ZNF804A: variants seen among roughly 807,000 people sequenced by gnomAD.
ZNF804A encodes zinc finger protein 804A.
In ZNF804A, 2 loss-of-function variants were observed where a neutral mutation model predicts 16.5. The observed-to-expected ratio is 0.12, with a 90% confidence interval of 0.05 to 0.38. The LOEUF (loss-of-function observed/expected upper bound fraction) is 0.38. ZNF804A is among the 10% of genes least tolerant of loss of function. ZNF804A has a pLI of 0.99. For missense variants in ZNF804A, 1,473 were observed against 1,390.7 expected (o/e 1.06, Z -0.94); for synonymous variants, 534 against 489.6 (o/e 1.09, Z -1.20).
chr2:184,687,810 CA>C (rs1692662146), intron 1 of ZNF804A, among the ~76,000 whole-genome samples: 1 of 152,152 alleles, frequency 6.6e-6, no homozygotes, highest in Non-Finnish European at 1.5e-5. Flanking sequence ...AAAATTTAGA[CA>C]GGCCAAATGT....
intron 2 of ZNF804A, among the ~76,000 whole-genome samples, chr2:184,881,341 G>A (rs1304115530): frequency 2.0e-5 from 3 of 152,062 alleles, no homozygotes; most frequent in Non-Finnish European, 4.4e-5. Flanking sequence ...CTTGGAAAAC[G>A]TACTTCAGAA....
intron 1 of ZNF804A, among the ~76,000 whole-genome samples, chr2:184,760,112 C>T (rs566919727): frequency 1.3e-5 from 2 of 152,024 alleles, no homozygotes; most frequent in African/African-American, 4.8e-5. Flanking sequence ...CAGGAACAGG[C>T]CATTTTCACT....
At position 184,933,657 on chromosome 2, in the gene ZNF804A, A is replaced by G. The variant is rs762908384; in HGVS notation, c.310A>G (p.Arg104Gly). The change falls in exon 3 of 4, where the codon AGG becomes GGG. Residue 104 changes from arginine to glycine, a missense_variant. Transcript: ENST00000302277. ...EFARNVASKS[R>G]KDERKQEKAL... ...TGCTCGAAATGTAGCATCTAAATCC[A>G]GGAAAGATGAAAGAAAACAGGAAAA... The G allele has an allele frequency of 1.9e-6, 3 of 1,610,606 alleles. No individual in the cohort carries two copies. The South Asian group carries it at 3.3e-5, about 18-fold the overall frequency.
rs575817076 is a variant in ZNF804A at position 184,899,447 on chromosome 2, G to A, written c.255+32935G>A. Among the ~76,000 whole-genome samples the A allele has an allele frequency of 8.6e-5, 13 of 152,036 alleles. No individual in the cohort carries two copies. The South Asian group carries it at 1.7e-3, about 19-fold the overall frequency. ...ATTTGTGAATGAATTAGTCACACTCGTTTTTCAAAAGTGTGGTCTTTTTCA... is the reference window on the plus strand; with the variant it reads ...ATTTGTGAATGAATTAGTCACACTCATTTTTCAAAAGTGTGGTCTTTTTCA... On this transcript the variant is annotated intron_variant, in intron 2 of 3. Transcript: ENST00000302277.
At chr2:184,868,084 G>C (rs1695902835) in intron 2 of ZNF804A, among the ~76,000 whole-genome samples, 1 of 151,998 alleles carries the variant, frequency 6.6e-6, no homozygotes, top group Non-Finnish European at 1.5e-5. Context: ...AGAAGTTAAA[G>C]GGAATTTGGG....
chr2:184,692,976 A>G (rs1692757849), intron 1 of ZNF804A, among the ~76,000 whole-genome samples: 1 of 152,202 alleles, frequency 6.6e-6, no homozygotes, highest in South Asian at 2.1e-4. Flanking sequence ...TTTGACAGCC[A>G]TATAATATTA....
intron 1 of ZNF804A, among the ~76,000 whole-genome samples, chr2:184,813,186 T>C (rs915985120): frequency 2.6e-5 from 4 of 152,126 alleles, no homozygotes; most frequent in Non-Finnish European, 5.9e-5. Context: ...CAAAGTGGTT[T>C]AAAATTGTGT....
In ZNF804A at chr2:184,763,625, AAGTGC is replaced by A. The variant is rs1222529489; in HGVS notation, c.112-102743_112-102739del. Among the ~76,000 whole-genome samples, 5 of 117,604 alleles carry A rather than the reference AAGTGC, an allele frequency of 4.3e-5. No individual in the cohort carries two copies. The South Asian group carries it at 1.4e-3, about 32-fold the overall frequency. The allele number at this position is 117,604 out of a possible 152,430, so 77.2% of individuals were successfully genotyped here. A position where few individuals can be genotyped will look rare whatever the true frequency, so the allele number is the denominator to read the frequency against. On this transcript the variant is annotated intron_variant, in intron 1 of 3. Transcript: ENST00000302277. Reference sequence around the variant, plus strand: ...TCTATTGCTTTACTTTTTTTCTTCAAAGTGCTTTTTTTTTTTTTTTTTTTTTTTTT... The same window carrying A: ...TCTATTGCTTTACTTTTTTTCTTCAATTTTTTTTTTTTTTTTTTTTTTTTT...
In ZNF804A at chr2:184,938,676, T is replaced by G; in HGVS notation, c.3280T>G (p.Ser1094Ala). Residue 1094 changes from serine (S) to alanine (A), a missense_variant, in exon 4 of 4, where the codon TCT (serine) becomes GCT (alanine). Physicochemically the swap from Ser to Ala is moderately conservative, Grantham distance 99. Transcript: ENST00000302277. The part of the protein sequence containing the change: ...LPLQQSLCST[S>A]VTTIHHTVLQ... ...TTTGCAGCAGTCCTTATGTTCTACC[T>G]CTGTAACCACTATCCATCACACTGT... The G allele has an allele frequency of 6.2e-7, 1 of 1,613,838 alleles. No individual in the cohort carries two copies. Among genetic ancestry groups the G allele is most frequent in the Non-Finnish European group, 8.5e-7 (1 of 1,179,900 alleles).
chr2:184,836,228 A>G (rs1695343561), intron 1 of ZNF804A, among the ~76,000 whole-genome samples: 1 of 152,120 alleles, frequency 6.6e-6, no homozygotes. Context: ...GAGAAAAAGG[A>G]TAGATAATGA....
intron 1 of ZNF804A, among the ~76,000 whole-genome samples, chr2:184,754,067 A>G (rs561241798): frequency 6.6e-6 from 1 of 151,786 alleles, no homozygotes; most frequent in Non-Finnish European, 1.5e-5. Flanking sequence ...AAAATTAAAT[A>G]TAGCATCCTA....
chr2:184,789,802 A>G (rs1488182097), intron 1 of ZNF804A, among the ~76,000 whole-genome samples: 1 of 151,644 alleles, frequency 6.6e-6, no homozygotes, highest in Non-Finnish European at 1.5e-5. Flanking sequence ...GATTCTTTGT[A>G]TCTTTATTTA....
At chr2:184,686,083 C>T (rs1215586442) in intron 1 of ZNF804A, among the ~76,000 whole-genome samples, 1 of 152,220 alleles carries the variant, frequency 6.6e-6, no homozygotes, top group East Asian at 1.9e-4. Context: ...CTTTGCTCCA[C>T]ACTGGAGTGG....
At chr2:184,822,228 T>C (rs1695097286) in intron 1 of ZNF804A, among the ~76,000 whole-genome samples, 1 of 152,060 alleles carries the variant, frequency 6.6e-6, no homozygotes. Flanking sequence ...ACTATGCGGC[T>C]AGAAAAAGGA....
chr2:184,782,677 A>G (rs1040095028), intron 1 of ZNF804A, among the ~76,000 whole-genome samples: 2 of 148,682 alleles, frequency 1.3e-5, no homozygotes, highest in African/African-American at 4.9e-5. Flanking sequence ...TTAATAGGAT[A>G]TGTATATCCT....
chr2:184,873,034 C>T (rs568566010), intron 2 of ZNF804A, among the ~76,000 whole-genome samples: 1 of 152,118 alleles, frequency 6.6e-6, no homozygotes, highest in East Asian at 1.9e-4. Flanking sequence ...ATTGATTATC[C>T]TTATTTTTAA....
At chr2:184,608,009 G>C (rs966202928) in intron 1 of ZNF804A, among the ~76,000 whole-genome samples, 1 of 143,262 alleles carries the variant, frequency 7.0e-6, no homozygotes, top group East Asian at 2.1e-4. Context: ...GCAGTGGCGG[G>C]ATCTCGGCTC....
At chr2:184,800,154 A>G (rs1694701778) in intron 1 of ZNF804A, among the ~76,000 whole-genome samples, 1 of 151,918 alleles carries the variant, frequency 6.6e-6, no homozygotes, top group Non-Finnish European at 1.5e-5. Context: ...CATATATGTA[A>G]CTTGTGTCTT....
At chr2:184,729,826 A>G (rs1427262834) in intron 1 of ZNF804A, among the ~76,000 whole-genome samples, 1 of 152,112 alleles carries the variant, frequency 6.6e-6, no homozygotes, top group Non-Finnish European at 1.5e-5. Flanking sequence ...GGAAATCCAT[A>G]TGGCACACTG....
Sources: gnomAD v4.1 joint callset for allele counts (sites outside exome capture counted in the v4.1 genomes callset) on GRCh38, gnomAD v4.1.1 for gene constraint, MANE v1.5 for transcripts, NCBI Gene and HGNC (gene_info 2026-07-23, HGNC 2026-07-21) for gene names.